The following ARAP2 variants were observed in gnomAD, a reference collection of about 807,000 sequenced individuals.
The protein encoded by ARAP2 is ArfGAP with RhoGAP domain, ankyrin repeat and PH domain 2, also known as arf-GAP with Rho-GAP domain, ANK repeat and PH domain-containing protein 2.
In ARAP2, 148 loss-of-function variants were observed where a neutral mutation model predicts 194.5. The ratio of observed to expected loss-of-function variants is 0.76; its 90% CI spans 0.67 to 0.87. The LOEUF (loss-of-function observed/expected upper bound fraction) is 0.87. Ranked by LOEUF, ARAP2 falls within the 40% of genes least tolerant of loss-of-function variation. The probability of loss-of-function intolerance (pLI) is 0.00; values close to 1 mark genes in which losing one functional copy is unlikely to be tolerated. For synonymous variants in ARAP2, 695 were observed against 683.5 expected (o/e 1.02, Z -0.26); for missense variants, 2,128 against 1,989.7 (o/e 1.07, Z -1.32).
Position 36,236,663 on chromosome 4 carries a change from C to T in ARAP2, c.-159-7018G>A, listed in dbSNP as rs575802477. On this transcript the variant is annotated intron_variant, in intron 1 of 32. Coordinates refer to ENST00000303965, the MANE Select transcript of ARAP2 (RefSeq NM_015230.4). ...TTCAACATTATCAATACAAGTCTTA[C>T]AAATTTCCATAACAATAAGAGCTGG... Among the ~76,000 whole-genome samples, 8 of 152,292 alleles carry T rather than the reference C, an allele frequency of 5.3e-5. No individual in the cohort carries two copies. In the East Asian group the frequency reaches 1.5e-3, roughly 29 times the overall value.
rs563747861 is a variant in ARAP2, at chr4:36,045,625, A to G, written n.607+354T>C. Reference sequence around the variant, plus strand: ...GAAGAGTAAATTCTTCTAGTCATCAATTACACAGGATGGCAACTATAGGTC... The same window carrying G: ...GAAGAGTAAATTCTTCTAGTCATCAGTTACACAGGATGGCAACTATAGGTC... On this transcript the variant is annotated intron_variant and non_coding_transcript_variant, in intron 5 of 12. Transcript: ENST00000503225. Among the ~76,000 whole-genome samples, 111 of 152,326 alleles carry G rather than the reference A, an allele frequency of 7.3e-4. 1 individual carries two copies. The highest frequency in any genetic ancestry group is 3.4e-3 in the Middle Eastern group (1 of 294).
At chr4:36,156,818 A>G (rs1278077641) in intron 15 of ARAP2, among the ~76,000 whole-genome samples, 1 of 152,248 alleles carries the variant, frequency 6.6e-6, no homozygotes, top group Non-Finnish European at 1.5e-5. Flanking sequence ...ACAAAATACA[A>G]AAGCTCACTT....
chr4:36,022,961 G>C (rs190997631), intron 5 of ARAP2, among the ~76,000 whole-genome samples: 1 of 152,254 alleles, frequency 6.6e-6, no homozygotes, highest in East Asian at 1.9e-4. Flanking sequence ...GAAAATCTCT[G>C]AGATAGGCAT....
chr4:36,157,394 A>C (rs980049765), intron 15 of ARAP2: 1 of 138,140 alleles, frequency 7.2e-6, no homozygotes, highest in Admixed American at 7.3e-5. Flanking sequence ...AAAAAAAAAA[A>C]CTCAGTAAAA....
At chr4:36,046,520 A>G (rs1721862410) in intron 4 of ARAP2, among the ~76,000 whole-genome samples, 1 of 152,118 alleles carries the variant, frequency 6.6e-6, no homozygotes, top group Admixed American at 6.5e-5. Context: ...CACCTGGCAT[A>G]TAGGAATTTT....
intron 28 of ARAP2, among the ~76,000 whole-genome samples, chr4:36,087,232 A>C (rs1390095259): frequency 1.3e-5 from 2 of 152,138 alleles, no homozygotes. Flanking sequence ...TAACATGAAA[A>C]AACAACAAAA....
intron 5 of ARAP2, among the ~76,000 whole-genome samples, chr4:36,044,596 G>GA (rs1207678855): frequency 6.6e-6 from 1 of 151,992 alleles, no homozygotes; most frequent in African/African-American, 2.4e-5. Flanking sequence ...AACTGTAGAG[G>GA]AAAACATAGC....
At chr4:36,189,244 T>TA (rs995307809) in intron 7 of ARAP2, among the ~76,000 whole-genome samples, 2 of 152,078 alleles carry the variant, frequency 1.3e-5, no homozygotes, top group African/African-American at 4.8e-5. Context: ...CCTTTTCCAC[T>TA]ATTTTTTTTT....
At chr4:36,235,198 C>G (rs1206815568) in intron 1 of ARAP2, among the ~76,000 whole-genome samples, 3 of 152,176 alleles carry the variant, frequency 2.0e-5, no homozygotes, top group Non-Finnish European at 4.4e-5. Context: ...CTGATTCTGT[C>G]CTGAACCCCT....
chr4:36,235,424 C>T (rs546373078), intron 1 of ARAP2, among the ~76,000 whole-genome samples: 2 of 152,306 alleles, frequency 1.3e-5, no homozygotes, highest in South Asian at 2.1e-4. Context: ...CCAGCATATA[C>T]GTATGTCTCC....
chr4:36,105,714 C>T (rs1577902353), intron 27 of ARAP2, among the ~76,000 whole-genome samples: 2 of 152,094 alleles, frequency 1.3e-5, no homozygotes, highest in East Asian at 3.9e-4. Flanking sequence ...CCACCCCCAG[C>T]CATGCCCCGA....
intron 2 of ARAP2, among the ~76,000 whole-genome samples, chr4:36,219,156 C>G (rs966086409): frequency 6.6e-6 from 1 of 152,138 alleles, no homozygotes; most frequent in African/African-American, 2.4e-5. Flanking sequence ...TTATAAGAAC[C>G]ATTTTGCATT....
intron 15 of ARAP2, among the ~76,000 whole-genome samples, chr4:36,153,179 C>A (rs192025364): frequency 2.2e-4 from 34 of 152,188 alleles, no homozygotes; most frequent in Admixed American, 1.2e-3. Flanking sequence ...CATTTCTTAG[C>A]TTTATTTTTG....
chr4:36,171,092 G>A (rs1028115063), intron 9 of ARAP2, among the ~76,000 whole-genome samples: 3 of 152,178 alleles, frequency 2.0e-5, no homozygotes, highest in African/African-American at 7.2e-5. Flanking sequence ...TTCCTCTCTC[G>A]CTTGTTCACT....
intron 6 of ARAP2, among the ~76,000 whole-genome samples, chr4:36,194,030 C>A (rs575793352): frequency 6.6e-6 from 1 of 152,064 alleles, no homozygotes; most frequent in Non-Finnish European, 1.5e-5. Context: ...TTTATTTTCC[C>A]TTGATTTTTG....
At chr4:36,139,169 C>A (rs1727604362) in intron 19 of ARAP2, among the ~76,000 whole-genome samples, 1 of 151,462 alleles carries the variant, frequency 6.6e-6, no homozygotes, top group African/African-American at 2.4e-5. Flanking sequence ...AATTCCAATA[C>A]TTGTGATTTT....
At chr4:36,075,173 A>G (rs1727981170) in intron 31 of ARAP2, among the ~76,000 whole-genome samples, 1 of 152,158 alleles carries the variant, frequency 6.6e-6, no homozygotes, top group African/African-American at 2.4e-5. Flanking sequence ...AATTTTGTGA[A>G]TTACCCTTAC....
chr4:36,026,062 T>C (rs970761004), intron 5 of ARAP2, among the ~76,000 whole-genome samples: 5 of 152,194 alleles, frequency 3.3e-5, no homozygotes, highest in African/African-American at 1.2e-4. Context: ...AGTCTTTAAA[T>C]GTAATATAAT....
At chr4:36,097,307 G>C (rs1715579093) in intron 27 of ARAP2, among the ~76,000 whole-genome samples, 2 of 152,026 alleles carry the variant, frequency 1.3e-5, no homozygotes, top group Non-Finnish European at 2.9e-5. Flanking sequence ...TTTGAAATAT[G>C]AAGCTCTATG....
Sources: allele counts gnomAD v4.1 joint callset (sites outside exome capture counted in the v4.1 genomes callset), GRCh38; gene constraint gnomAD v4.1.1; transcripts MANE v1.5; gene names NCBI Gene and HGNC (gene_info 2026-07-23, HGNC 2026-07-21).